IPO11: variants seen among roughly 807,000 people sequenced by gnomAD.
IPO11 encodes importin 11, also known as importin-11.
In IPO11, 66 loss-of-function variants were observed where a neutral mutation model predicts 143.2. The ratio of observed to expected loss-of-function variants is 0.46; its 90% CI spans 0.38 to 0.57. IPO11 has a LOEUF of 0.57. Among genes scored for constraint, IPO11 ranks in the 20% least tolerant of loss-of-function variants. IPO11 has a pLI of 0.00. For synonymous variants in IPO11, 385 were observed against 377.8 expected (o/e 1.02, Z -0.22); for missense variants, 1,026 against 1,141.0 (o/e 0.90, Z 1.45).
chr5:62,431,806 T>TCAA (rs1400513189), intron 1 of IPO11, among the ~76,000 whole-genome samples: 2 of 152,068 alleles, frequency 1.3e-5, no homozygotes, highest in African/African-American at 4.8e-5. Flanking sequence ...CCAGGCTTGG[T>TCAA]GGTGCCCGCC....
At chr5:62,580,198 C>T in intron 27 of IPO11, 1 of 1,551,142 alleles carries the variant, frequency 6.4e-7, no homozygotes, top group East Asian at 2.4e-5. Flanking sequence ...ACTTGCCAAT[C>T]TGGAATACCT....
intron 1 of IPO11, chr5:62,419,093 C>T: frequency 1.9e-6 from 3 of 1,550,842 alleles, no homozygotes; most frequent in South Asian, 1.2e-5. Context: ...CAGCATGTTA[C>T]TGCACTGAAT....
chr5:62,451,405 G>C (rs1744919903), intron 4 of IPO11, among the ~76,000 whole-genome samples: 1 of 152,142 alleles, frequency 6.6e-6, no homozygotes, highest in African/African-American at 2.4e-5. Flanking sequence ...TGCATTTTTA[G>C]GGTCTGGCTA....
At chr5:62,525,667 A>G (rs183607353) in intron 20 of IPO11, among the ~76,000 whole-genome samples, 1 of 152,364 alleles carries the variant, frequency 6.6e-6, no homozygotes, top group East Asian at 1.9e-4. Context: ...GATAGGCATG[A>G]GCCATGGCAT....
intron 2 of IPO11, among the ~76,000 whole-genome samples, chr5:62,442,065 C>T (rs1260813351): frequency 2.0e-5 from 3 of 151,808 alleles, no homozygotes; most frequent in South Asian, 4.2e-4. Flanking sequence ...AGGATAGTCT[C>T]GATCTCCTGA....
intron 1 of IPO11, among the ~76,000 whole-genome samples, chr5:62,436,122 G>T (rs1744222859): frequency 6.6e-6 from 1 of 152,160 alleles, no homozygotes; most frequent in Non-Finnish European, 1.5e-5. Context: ...ATGGTACAAT[G>T]AAATTTTTGT....
chr5:62,508,533 C>T (rs1265410842), intron 19 of IPO11, among the ~76,000 whole-genome samples: 3 of 151,428 alleles, frequency 2.0e-5, no homozygotes, highest in African/African-American at 4.9e-5. Context: ...CTTCCTTTGT[C>T]TTCCTTCTTC....
intron 1 of IPO11, among the ~76,000 whole-genome samples, chr5:62,434,480 T>C (rs564523123): frequency 1.3e-5 from 2 of 152,130 alleles, no homozygotes; most frequent in East Asian, 3.9e-4. Flanking sequence ...TTGTATTTTC[T>C]GTAGAGACGG....
chr5:62,609,151 C>T (rs1745839607), intron 29 of IPO11, among the ~76,000 whole-genome samples: 1 of 152,220 alleles, frequency 6.6e-6, no homozygotes, highest in Non-Finnish European at 1.5e-5. Flanking sequence ...TCCTCTCTAG[C>T]TTCTCTTACT....
intron 28 of IPO11, 135 bp from the exon 29 acceptor site, chr5:62,601,629 A>G: frequency 2.3e-6 from 1 of 427,090 alleles, no homozygotes; most frequent in South Asian, 1.0e-4. Context: ...TAAATTATCT[A>G]GTCTTTTTCT....
chr5:62,614,280 T>A (rs1746044362), intron 29 of IPO11, among the ~76,000 whole-genome samples: 1 of 152,250 alleles, frequency 6.6e-6, no homozygotes, highest in Non-Finnish European at 1.5e-5. Flanking sequence ...CTTAACCTTA[T>A]TCAAAATGGC....
At chr5:62,463,396 G>C (rs964578357) in intron 5 of IPO11, among the ~76,000 whole-genome samples, 2 of 152,048 alleles carry the variant, frequency 1.3e-5, no homozygotes, top group Non-Finnish European at 2.9e-5. Flanking sequence ...AGGCATGGTA[G>C]CTTATGCCTG....
intron 20 of IPO11, among the ~76,000 whole-genome samples, chr5:62,516,925 G>A (rs948160116): frequency 2.7e-4 from 41 of 151,326 alleles, no homozygotes; most frequent in African/African-American, 7.8e-4. Flanking sequence ...GAGGCTGGGC[G>A]TGGTGGCTCA....
At chr5:62,414,154 C>T (rs890521962) in intron 1 of IPO11, among the ~76,000 whole-genome samples, 13 of 152,102 alleles carry the variant, frequency 8.5e-5, no homozygotes, top group African/African-American at 3.1e-4. Flanking sequence ...AGGTTTTAAA[C>T]AAATATGTAA....
intron 15 of IPO11, among the ~76,000 whole-genome samples, chr5:62,491,327 T>C (rs905272720): frequency 2.0e-5 from 3 of 152,230 alleles, no homozygotes; most frequent in African/African-American, 7.2e-5. Context: ...ACTTGGAATT[T>C]GCCATGTCCT....
chr5:62,528,337 A>T (rs1742433068), intron 21 of IPO11, among the ~76,000 whole-genome samples: 1 of 152,196 alleles, frequency 6.6e-6, no homozygotes, highest in Non-Finnish European at 1.5e-5. Context: ...TTTTCACCGG[A>T]GTGGTAAGAA....
intron 1 of IPO11, among the ~76,000 whole-genome samples, 189 bp from the exon 2 acceptor site, chr5:62,437,085 A>C (rs1744270451): frequency 6.6e-6 from 1 of 152,156 alleles, no homozygotes; most frequent in African/African-American, 2.4e-5. Flanking sequence ...GATTTAAGCA[A>C]AAATAATTTG....
intron 2 of IPO11, 45 bp from the exon 3 acceptor site, chr5:62,442,931 ATACTTTT>A: frequency 9.9e-7 from 1 of 1,011,790 alleles, no homozygotes; most frequent in South Asian, 1.5e-5. Context: ...TACATTAATT[ATACTTTT>A]TACTTATTCC....
At chr5:62,525,556 A>T (rs1742344502) in intron 20 of IPO11, among the ~76,000 whole-genome samples, 1 of 152,062 alleles carries the variant, frequency 6.6e-6, no homozygotes, top group African/African-American at 2.4e-5. Flanking sequence ...GCTAACTTTT[A>T]AATGTTTTTC....
Sources: allele counts gnomAD v4.1 joint callset (sites outside exome capture counted in the v4.1 genomes callset), GRCh38; gene constraint gnomAD v4.1.1; transcripts MANE v1.5; gene names NCBI Gene and HGNC (gene_info 2026-07-23, HGNC 2026-07-21).